Variants in CNTNAP2 observed in about 807,000 individuals in gnomAD.
The protein encoded by CNTNAP2 is contactin associated protein 2.
A neutral mutation model predicts 155.2 loss-of-function variants in CNTNAP2; 98 were observed. The observed-to-expected ratio is 0.63, with a 90% CI of 0.54 to 0.75. The LOEUF (loss-of-function observed/expected upper bound fraction) is 0.75, where lower values mean the gene tolerates loss of function less well. Among genes scored for constraint, CNTNAP2 ranks in the 30% least tolerant of loss-of-function variants. CNTNAP2 has a pLI of 0.00. For missense variants in CNTNAP2, 1,727 were observed against 1,688.1 expected (o/e 1.02, Z -0.40); for synonymous variants, 651 against 631.2 (o/e 1.03, Z -0.47).
At chr7:147,324,232 T>C (rs1184412535) in intron 9 of CNTNAP2, among the ~76,000 whole-genome samples, 1 of 152,176 alleles carries the variant, frequency 6.6e-6, no homozygotes, top group East Asian at 1.9e-4. Flanking sequence ...TTTATCCCAG[T>C]ACACTAAAAT....
Position 147,699,232 on chromosome 7 carries a change from TAA to T in CNTNAP2, c.2098+59940_2098+59941del, listed in dbSNP as rs202135443. ...TGCCTCATCCCCACTAAAATTCTAT[TAA>T]AAAAAAAAAAAAACGCTTTTTAAAA... On this transcript the variant is annotated intron_variant, in intron 13 of 23. Coordinates refer to ENST00000361727, the MANE Select transcript of CNTNAP2 (RefSeq NM_014141.6). Among the ~76,000 whole-genome samples the T allele has an allele frequency of 1.2e-3, 147 of 125,392 alleles. 1 individual carries two copies. The highest frequency in any genetic ancestry group is 3.6e-3 in the African/African-American group (125 of 34,404). The allele number at this position is 125,392 out of a possible 152,430, so 82.3% of individuals were successfully genotyped here. A position where few individuals can be genotyped will look rare whatever the true frequency, so the allele number is the denominator to read the frequency against.
intron 2 of CNTNAP2, among the ~76,000 whole-genome samples, chr7:146,799,817 A>C (rs1802841432): frequency 6.6e-6 from 1 of 152,110 alleles, no homozygotes; most frequent in Non-Finnish European, 1.5e-5. Flanking sequence ...TCACTTTTAA[A>C]ATGGGGATCA....
intron 13 of CNTNAP2, among the ~76,000 whole-genome samples, chr7:147,734,413 T>C (rs755539392): frequency 1.9e-4 from 29 of 152,188 alleles, no homozygotes; most frequent in Non-Finnish European, 8.8e-5. Flanking sequence ...CTGGAGTCAA[T>C]TTGCCAGTAT....
intron 13 of CNTNAP2, among the ~76,000 whole-genome samples, chr7:147,868,652 G>A (rs957927375): frequency 2.0e-5 from 3 of 152,158 alleles, no homozygotes; most frequent in African/African-American, 4.8e-5. Flanking sequence ...TGGCCACTTC[G>A]TTTACCTACT....
chr7:147,221,699 A>G (rs1430234933), intron 8 of CNTNAP2, among the ~76,000 whole-genome samples: 4 of 152,220 alleles, frequency 2.6e-5, no homozygotes, highest in African/African-American at 4.8e-5. Context: ...CATTCTTTGC[A>G]TACATTTGAG....
At chr7:146,506,854 G>A (rs1797391810) in intron 1 of CNTNAP2, among the ~76,000 whole-genome samples, 1 of 152,196 alleles carries the variant, frequency 6.6e-6, no homozygotes. Flanking sequence ...AGTCCAGGCA[G>A]CAGTAGCACC....
At chr7:147,081,593 G>T (rs1449953523) in intron 4 of CNTNAP2, 2 of 143,770 alleles carry the variant, frequency 1.4e-5, no homozygotes, top group Non-Finnish European at 3.0e-5. Context: ...TTGTGTGTGT[G>T]TGTGTGTGTG....
chr7:146,522,780 TA>T (rs946528273), intron 1 of CNTNAP2, among the ~76,000 whole-genome samples: 2 of 149,738 alleles, frequency 1.3e-5, no homozygotes, highest in Non-Finnish European at 3.0e-5. Context: ...TATTATGTTT[TA>T]AAAAATAAAA....
At chr7:146,516,520 T>G (rs1797544090) in intron 1 of CNTNAP2, among the ~76,000 whole-genome samples, 1 of 152,024 alleles carries the variant, frequency 6.6e-6, no homozygotes. Context: ...GCGGCAGTAT[T>G]GAATTTTCAT....
intron 1 of CNTNAP2, among the ~76,000 whole-genome samples, chr7:146,282,852 T>C (rs192867347): frequency 2.0e-5 from 3 of 152,336 alleles, no homozygotes; most frequent in South Asian, 4.1e-4. Context: ...AACTACACAT[T>C]GCTGAAGTTA....
intron 4 of CNTNAP2, among the ~76,000 whole-genome samples, chr7:147,104,658 ATAAG>A (rs1189588175): frequency 6.6e-6 from 1 of 151,144 alleles, no homozygotes; most frequent in Non-Finnish European, 1.5e-5. Context: ...ATTTTTTCAA[ATAAG>A]TAGACTACAG....
At chr7:148,158,442 C>G (rs531585089) in intron 17 of CNTNAP2, among the ~76,000 whole-genome samples, 1 of 152,010 alleles carries the variant, frequency 6.6e-6, no homozygotes, top group Non-Finnish European at 1.5e-5. Flanking sequence ...AGGATGGCCT[C>G]GATCTCTCGA....
intron 18 of CNTNAP2, among the ~76,000 whole-genome samples, chr7:148,205,113 G>A (rs1049050283): frequency 5.9e-5 from 9 of 152,264 alleles, no homozygotes; most frequent in East Asian, 5.8e-4. Context: ...GACTAAAACC[G>A]CGAATTAAAA....
chr7:146,907,887 T>C (rs1232321135), intron 3 of CNTNAP2, among the ~76,000 whole-genome samples: 2 of 152,216 alleles, frequency 1.3e-5, no homozygotes, highest in East Asian at 3.9e-4. Flanking sequence ...CCCATCAGTG[T>C]GCTGTCTTCA....
intron 13 of CNTNAP2, among the ~76,000 whole-genome samples, chr7:147,809,492 C>T (rs1003401519): frequency 1.3e-5 from 2 of 152,184 alleles, no homozygotes; most frequent in Admixed American, 1.3e-4. Context: ...GATTGAAACT[C>T]ATCCCCCATG....
intron 23 of CNTNAP2, 41 bp downstream of exon 23, chr7:148,409,512 C>G: frequency 6.5e-7 from 1 of 1,533,032 alleles, no homozygotes; most frequent in Non-Finnish European, 9.0e-7. Context: ...GGCTACTCAA[C>G]TATGGAAAGT....
intron 13 of CNTNAP2, chr7:147,643,503 T>C (rs530727380): frequency 1.3e-5 from 2 of 152,332 alleles, no homozygotes; most frequent in Admixed American, 1.3e-4. Context: ...TTAATAAAAA[T>C]CTTTAATTTG....
chr7:147,385,003 T>C (rs1004864950), intron 9 of CNTNAP2, among the ~76,000 whole-genome samples: 1 of 152,094 alleles, frequency 6.6e-6, no homozygotes, highest in Non-Finnish European at 1.5e-5. Flanking sequence ...CTCACAATCA[T>C]GGTGGAAGGA....
chr7:147,294,461 T>C (rs1805383985), intron 8 of CNTNAP2, among the ~76,000 whole-genome samples: 2 of 152,196 alleles, frequency 1.3e-5, no homozygotes, highest in Admixed American at 1.3e-4. Flanking sequence ...ATAGGATAAG[T>C]TTCCCATATC....
Sources: allele counts gnomAD v4.1 joint callset (sites outside exome capture counted in the v4.1 genomes callset), GRCh38; gene constraint gnomAD v4.1.1; transcripts MANE v1.5; gene names NCBI Gene and HGNC (gene_info 2026-07-23, HGNC 2026-07-21).